The following DTNBP1 variants were observed in gnomAD, a reference collection of about 807,000 sequenced individuals.
The protein encoded by DTNBP1 is dysbindin.
In DTNBP1, 35 loss-of-function variants were observed where a neutral mutation model predicts 42.8. The ratio of observed to expected loss-of-function variants is 0.82; its 90% CI spans 0.63 to 1.09. DTNBP1 has a LOEUF of 1.09. Among genes scored for constraint, DTNBP1 ranks in the 50% least tolerant of loss-of-function variants. The pLI, the probability that DTNBP1 is intolerant of heterozygous loss-of-function variation, is 0.00. For synonymous variants in DTNBP1, 171 were observed against 162.2 expected, an observed-to-expected ratio of 1.05 and a Z score of -0.41; for missense variants, 457 against 424.2, an observed-to-expected ratio of 1.08 and a Z score of -0.68.
chr6:15,532,438 G>A (rs1370915528), intron 8 of DTNBP1, among the ~76,000 whole-genome samples: 1 of 152,166 alleles, frequency 6.6e-6, no homozygotes, highest in East Asian at 1.9e-4. Context: ...TGCAGCCTTT[G>A]ACACACAACC....
rs200381280 is a variant in DTNBP1, at chr6:15,575,750, G to A, written c.511+17309C>T. Reference sequence around the variant, plus strand: ...CTGTGCAGATAACCACAACTTAATAGGATGAATAGATGTGGGAGGTGCACC... The same window carrying A: ...CTGTGCAGATAACCACAACTTAATAAGATGAATAGATGTGGGAGGTGCACC... On this transcript the variant is annotated intron_variant, in intron 7 of 9. Coordinates refer to ENST00000344537, the MANE Select transcript of DTNBP1 (RefSeq NM_032122.5). Among the ~76,000 whole-genome samples the A allele has an allele frequency of 3.3e-5, 5 of 152,318 alleles. No homozygotes were observed. In the East Asian group the frequency reaches 9.6e-4, roughly 29 times the overall value.
intron 1 of DTNBP1, among the ~76,000 whole-genome samples, chr6:15,654,066 A>G (rs1761157325): frequency 6.6e-6 from 1 of 152,248 alleles, no homozygotes; most frequent in South Asian, 2.1e-4. Flanking sequence ...TGTCATACAA[A>G]GAGTTTCATA....
intron 7 of DTNBP1, among the ~76,000 whole-genome samples, chr6:15,567,837 C>T (rs1775164845): frequency 6.6e-6 from 1 of 152,200 alleles, no homozygotes; most frequent in African/African-American, 2.4e-5. Context: ...ACCGACAAAA[C>T]AATAATGTTA....
At chr6:15,652,450 G>A (rs951681860) in intron 1 of DTNBP1, among the ~76,000 whole-genome samples, 3 of 151,694 alleles carry the variant, frequency 2.0e-5, no homozygotes, top group African/African-American at 7.3e-5. Flanking sequence ...CCAAAATGCT[G>A]GGATTACAGG....
chr6:15,645,860 C>T lies in DTNBP1; in HGVS notation c.161+5453G>A, dbSNP rs181920686. Among the ~76,000 whole-genome samples the T allele has an allele frequency of 2.0e-5, 3 of 152,134 alleles. No individual in the cohort carries two copies. The East Asian group carries it at 5.8e-4, about 29-fold the overall frequency. ...TGAATGGGCAATAGTTGAAAGCATT[C>T]TCCCTAAGAACTGGAACAAGACAAG... is the stretch of plus-strand genomic sequence containing the variant. On this transcript the variant is annotated intron_variant, in intron 3 of 9. Transcript: ENST00000344537.
intron 7 of DTNBP1, among the ~76,000 whole-genome samples, chr6:15,581,732 C>A (rs973567176): frequency 6.6e-6 from 1 of 151,372 alleles, no homozygotes. Context: ...CCTGCCTTGG[C>A]CCCCCAAAAG....
intron 7 of DTNBP1, among the ~76,000 whole-genome samples, chr6:15,589,020 C>T (rs978594134): frequency 6.6e-6 from 1 of 152,224 alleles, no homozygotes; most frequent in Non-Finnish European, 1.5e-5. Flanking sequence ...GTAACATCAT[C>T]CAACCTGAGT....
At chr6:15,527,060 AAAC>A (rs1488521198) in intron 8 of DTNBP1, among the ~76,000 whole-genome samples, 1 of 152,192 alleles carries the variant, frequency 6.6e-6, no homozygotes, top group Non-Finnish European at 1.5e-5. Context: ...TATAATGAGG[AAAC>A]AAATAATTAA....
intron 7 of DTNBP1, among the ~76,000 whole-genome samples, chr6:15,539,789 C>A (rs148520391): frequency 6.6e-6 from 1 of 152,184 alleles, no homozygotes; most frequent in Non-Finnish European, 1.5e-5. Flanking sequence ...CCCTGTCCCT[C>A]GCTCCTGCTT....
intron 6 of DTNBP1, among the ~76,000 whole-genome samples, chr6:15,606,874 A>G (rs1758089234): frequency 6.6e-6 from 1 of 152,214 alleles, no homozygotes; most frequent in Non-Finnish European, 1.5e-5. Context: ...CAGAAAATTA[A>G]AAGTTTTTCA....
At chr6:15,659,453 C>T (rs1045457047) in intron 1 of DTNBP1, among the ~76,000 whole-genome samples, 8 of 152,170 alleles carry the variant, frequency 5.3e-5, no homozygotes, top group Non-Finnish European at 1.2e-4. Flanking sequence ...TGCTCTGCCA[C>T]CAAGTGTTCT....
chr6:15,570,366 C>G (rs1434104407), intron 7 of DTNBP1, among the ~76,000 whole-genome samples: 1 of 152,186 alleles, frequency 6.6e-6, no homozygotes, highest in Non-Finnish European at 1.5e-5. Context: ...CAATTTAATA[C>G]ACAGCCAAGT....
chr6:15,523,629 C>G (rs1163595575), intron 9 of DTNBP1: 1 of 1,287,278 alleles, frequency 7.8e-7, no homozygotes, highest in Non-Finnish European at 1.0e-6. Context: ...GAATTACTGA[C>G]CTTCAGCAGT....
At chr6:15,565,529 A>G (rs995606901) in intron 7 of DTNBP1, among the ~76,000 whole-genome samples, 2 of 152,262 alleles carry the variant, frequency 1.3e-5, no homozygotes, top group African/African-American at 4.8e-5. Flanking sequence ...TATAGTCTAT[A>G]ATATGGATGA....
intron 7 of DTNBP1, among the ~76,000 whole-genome samples, chr6:15,564,232 C>T (rs1009508457): frequency 2.0e-5 from 3 of 152,112 alleles, no homozygotes; most frequent in Admixed American, 2.0e-4. Context: ...GAACCTACTA[C>T]TGTTACACTT....
chr6:15,523,556 AG>A, intron 9 of DTNBP1: 1 of 1,234,630 alleles, frequency 8.1e-7, no homozygotes. Context: ...TTGATAATCT[AG>A]ATTTCTTTTT....
chr6:15,614,635 A>C (rs1758613586), intron 6 of DTNBP1, among the ~76,000 whole-genome samples: 1 of 151,870 alleles, frequency 6.6e-6, no homozygotes, highest in Admixed American at 6.6e-5. Flanking sequence ...TTACCCTTAG[A>C]CTCCTTTTCC....
chr6:15,641,681 C>T (rs1760366187), intron 3 of DTNBP1, among the ~76,000 whole-genome samples: 1 of 152,120 alleles, frequency 6.6e-6, no homozygotes, highest in African/African-American at 2.4e-5. Flanking sequence ...GGGATGCTGC[C>T]CTGCCCAGGG....
intron 7 of DTNBP1, among the ~76,000 whole-genome samples, chr6:15,547,626 A>G (rs568043875): frequency 3.1e-4 from 47 of 152,366 alleles, no homozygotes; most frequent in African/African-American, 1.0e-3. Context: ...GCATAATCAC[A>G]GACAAGAATT....
Sources: allele counts gnomAD v4.1 joint callset (sites outside exome capture counted in the v4.1 genomes callset), GRCh38; gene constraint gnomAD v4.1.1; transcripts MANE v1.5; gene names NCBI Gene and HGNC (gene_info 2026-07-23, HGNC 2026-07-21).